COLEC12: variants seen among roughly 807,000 people sequenced by gnomAD.
COLEC12 encodes collectin subfamily member 12, also known as collectin-12.
A neutral mutation model predicts 71.1 loss-of-function variants in COLEC12; 33 were observed. That is an observed-to-expected ratio of 0.46 (90% CI 0.35 to 0.62). The LOEUF (loss-of-function observed/expected upper bound fraction) is 0.62. COLEC12 is among the 20% of genes least tolerant of loss of function. COLEC12 has a pLI of 0.00. For synonymous variants in COLEC12, 350 were observed against 353.0 expected (o/e 0.99, Z 0.10); for missense variants, 765 against 916.1 (o/e 0.84, Z 2.13).
At chr18:379,727 T>C (rs1024054297) in intron 2 of COLEC12, among the ~76,000 whole-genome samples, 1 of 152,158 alleles carries the variant, frequency 6.6e-6, no homozygotes, top group African/African-American at 2.4e-5. Flanking sequence ...TCTTCATGCA[T>C]GATGGTTCGG....
chr18:458,365 T>G (rs1916911733), intron 2 of COLEC12, among the ~76,000 whole-genome samples: 1 of 152,256 alleles, frequency 6.6e-6, no homozygotes, highest in Non-Finnish European at 1.5e-5. Context: ...CACAGATCTC[T>G]GGTAATTCAG....
intron 7 of COLEC12, 150 bp from the exon 8 acceptor site, chr18:331,927 T>G: frequency 1.6e-6 from 1 of 615,194 alleles, no homozygotes; most frequent in South Asian, 2.0e-5. Context: ...GCTTTTTTCT[T>G]GCTACTTGCT....
intron 2 of COLEC12, among the ~76,000 whole-genome samples, chr18:411,097 C>T (rs1915885992): frequency 6.6e-6 from 1 of 152,186 alleles, no homozygotes; most frequent in South Asian, 2.1e-4. Flanking sequence ...TCCCTTCCCA[C>T]CAATAATGCT....
intron 2 of COLEC12, among the ~76,000 whole-genome samples, chr18:421,542 A>C (rs1916098794): frequency 6.6e-6 from 1 of 152,156 alleles, no homozygotes; most frequent in Non-Finnish European, 1.5e-5. Flanking sequence ...ATGAATGTGT[A>C]ATTAAAAGAA....
intron 2 of COLEC12, among the ~76,000 whole-genome samples, chr18:439,813 C>G (rs1407674404): frequency 6.6e-6 from 1 of 152,114 alleles, no homozygotes; most frequent in Non-Finnish European, 1.5e-5. Flanking sequence ...ACAGAACTAC[C>G]ATATGATCCA....
intron 1 of COLEC12, among the ~76,000 whole-genome samples, chr18:485,578 T>C (rs571753107): frequency 5.3e-4 from 81 of 152,390 alleles, no homozygotes; most frequent in African/African-American, 1.9e-3. Context: ...TTTTTATTTA[T>C]CTTTTTCTAC....
intron 2 of COLEC12, among the ~76,000 whole-genome samples, chr18:455,730 G>A (rs569081846): frequency 6.6e-6 from 1 of 151,544 alleles, no homozygotes; most frequent in African/African-American, 2.4e-5. Context: ...TCCCACTTAT[G>A]AGTGAGAACA....
At chr18:412,283 A>G (rs1257408180) in intron 2 of COLEC12, among the ~76,000 whole-genome samples, 1 of 152,208 alleles carries the variant, frequency 6.6e-6, no homozygotes, top group African/African-American at 2.4e-5. Flanking sequence ...TCATCAGAAA[A>G]TATGGAAGCC....
intron 2 of COLEC12, among the ~76,000 whole-genome samples, chr18:450,799 T>C (rs962426418): frequency 6.6e-6 from 1 of 152,220 alleles, no homozygotes; most frequent in Non-Finnish European, 1.5e-5. Flanking sequence ...TGGAACTTCC[T>C]ATAGACTTGT....
intron 2 of COLEC12, among the ~76,000 whole-genome samples, chr18:479,046 A>G (rs912506201): frequency 6.6e-6 from 1 of 152,162 alleles, no homozygotes; most frequent in Non-Finnish European, 1.5e-5. Flanking sequence ...TCATATTTCT[A>G]CTGATTGCCA....
At chr18:342,056 C>A (rs1303009466) in intron 5 of COLEC12, among the ~76,000 whole-genome samples, 2 of 152,052 alleles carry the variant, frequency 1.3e-5, no homozygotes, top group Non-Finnish European at 2.9e-5. Flanking sequence ...ATAAGGTTTT[C>A]TTTTTTCTTT....
At chr18:395,724 G>A (rs562155976) in intron 2 of COLEC12, among the ~76,000 whole-genome samples, 1 of 152,226 alleles carries the variant, frequency 6.6e-6, no homozygotes, top group Non-Finnish European at 1.5e-5. Flanking sequence ...AAAGAAGTGG[G>A]GAAAATGTCA....
At chr18:376,369 T>C (rs1915113799) in intron 2 of COLEC12, among the ~76,000 whole-genome samples, 1 of 152,164 alleles carries the variant, frequency 6.6e-6, no homozygotes, top group Non-Finnish European at 1.5e-5. Context: ...AATCCATGGA[T>C]TGGAGACATT....
rs1318555114 is a variant in COLEC12 at position 418,534 on chromosome 18, A to G, written c.59-61012T>C. Among the ~76,000 whole-genome samples the G allele has an allele frequency of 1.8e-4, 28 of 152,254 alleles. 1 individual carries two copies. Among genetic ancestry groups the G allele is most frequent in the Admixed American group, 1.8e-3 (28 of 15,288 alleles). ...GGCTGCATTCCCAGATGGTTAAGGC[A>G]TTCTAAATCACAGGATAAGATAGGA... On this transcript the variant is annotated intron_variant, in intron 2 of 9. Transcript: ENST00000400256.
At chr18:421,258 T>C (rs1358538338) in intron 2 of COLEC12, among the ~76,000 whole-genome samples, 1 of 152,220 alleles carries the variant, frequency 6.6e-6, no homozygotes, top group Non-Finnish European at 1.5e-5. Context: ...CCCATGTTAA[T>C]AGAGAGCAGA....
chr18:358,477 T>C (rs1425804109), intron 2 of COLEC12, among the ~76,000 whole-genome samples: 1 of 152,182 alleles, frequency 6.6e-6, no homozygotes, highest in African/African-American at 2.4e-5. Flanking sequence ...TCACAGGCAT[T>C]AGATTCTTAT....
At chr18:356,597 A>G (rs1914633087) in intron 3 of COLEC12, among the ~76,000 whole-genome samples, 2 of 152,200 alleles carry the variant, frequency 1.3e-5, no homozygotes, top group South Asian at 4.1e-4. Flanking sequence ...GATGATCCAC[A>G]GACTCCACGT....
intron 1 of COLEC12, among the ~76,000 whole-genome samples, chr18:495,591 T>C (rs1171672070): frequency 6.6e-6 from 1 of 152,224 alleles, no homozygotes; most frequent in African/African-American, 2.4e-5. Flanking sequence ...TTAGAGCGTC[T>C]CCTCCACTGG....
intron 2 of COLEC12, among the ~76,000 whole-genome samples, chr18:476,927 CTTAA>C (rs1917317273): frequency 6.6e-6 from 1 of 152,178 alleles, no homozygotes; most frequent in Non-Finnish European, 1.5e-5. Context: ...AAAATGCTCA[CTTAA>C]TTAACCCTTC....
Sources: gnomAD v4.1 joint callset for allele counts (sites outside exome capture counted in the v4.1 genomes callset) on GRCh38, gnomAD v4.1.1 for gene constraint, MANE v1.5 for transcripts, NCBI Gene and HGNC (gene_info 2026-07-23, HGNC 2026-07-21) for gene names.